Variants in SLC30A2 observed in about 807,000 individuals in gnomAD.
SLC30A2 encodes the protein solute carrier family 30 member 2.
SLC30A2 carries 19 observed loss-of-function variants against 39.6 expected under a neutral mutation model. The observed-to-expected ratio is 0.48, with a 90% confidence interval of 0.34 to 0.70. SLC30A2 has a LOEUF of 0.70. SLC30A2 is among the 30% of genes least tolerant of loss of function. The pLI is 0.01. For synonymous variants in SLC30A2, 195 were observed against 194.8 expected (o/e 1.00, Z -0.01); for missense variants, 387 against 479.4 (o/e 0.81, Z 1.80).
chr1:26,043,916 C>T (rs962655200), intron 3 of SLC30A2, among the ~76,000 whole-genome samples: 1 of 152,212 alleles, frequency 6.6e-6, no homozygotes, highest in Non-Finnish European at 1.5e-5. Flanking sequence ...CCAGGGTGAA[C>T]GGAAGAGAGG....
Position 26,045,004 on chromosome 1 carries a change from T to G in SLC30A2, c.264A>C (p.Glu88Asp). 1 of 1,614,200 alleles carries G rather than the reference T, an allele frequency of 6.2e-7. No individual in the cohort carries two copies. The highest frequency in any genetic ancestry group is 8.5e-7 in the Non-Finnish European group (1 of 1,179,994). Reference protein sequence around the residue: ...SAICLLFMIGEVVGGYLAHSL... With the variant: ...SAICLLFMIGDVVGGYLAHSL... Reference sequence around the variant, plus strand: ...TAGCCCAAAAGTGCTTACCAACGACTTCTCCGATCATGAACAACAGGCAGA... The same window carrying G: ...TAGCCCAAAAGTGCTTACCAACGACGTCTCCGATCATGAACAACAGGCAGA... Residue 88 changes from glutamate (E) to aspartate (D), a missense_variant, in exon 2 of 8, where the codon GAA (glutamate) becomes GAC (aspartate). Glu to Asp is a conservative substitution (Grantham distance 45). Coordinates refer to ENST00000374276, the MANE Select transcript of SLC30A2 (RefSeq NM_001004434.3).
chr1:26,038,938 A>G lies in SLC30A2; in HGVS notation c.*222T>C. ...TTCCAGAGCTGGCCCAGGAGCTGGA[A>G]GAGCAGGGTCACACTAGCTTTATAC... On this transcript the variant is annotated 3_prime_UTR_variant, in exon 8 of 8. Coordinates refer to ENST00000374276, the MANE Select transcript of SLC30A2 (RefSeq NM_001004434.3). The G allele has an allele frequency of 8.0e-7, 1 of 1,245,268 alleles. No homozygotes were observed. The highest frequency in any genetic ancestry group is 1.0e-6 in the Non-Finnish European group (1 of 972,610). The allele number at this position is 1,245,268 out of a possible 1,614,324, so 77.1% of individuals were successfully genotyped here. A position where few individuals can be genotyped will look rare whatever the true frequency, so the allele number is the denominator to read the frequency against.
Position 26,044,557 on chromosome 1 carries a change from C to G in SLC30A2, c.272-113G>C, listed in dbSNP as rs1457287658. The G allele has an allele frequency of 2.9e-6, 3 of 1,018,628 alleles. No individual in the cohort carries two copies. The African/African-American group carries it at 4.8e-5, about 16-fold the overall frequency. 63.1% of individuals were successfully genotyped at this position (1,018,628 alleles called of 1,614,324 possible). On this transcript the variant is annotated intron_variant, in intron 2 of 7. Transcript: ENST00000374276. ...AGGACATTCTGGGCTCAAGATCTCT[C>G]TACCCATGAGCTGTACCACCGTGAC...
rs1428545692 is a variant in SLC30A2, at chr1:26,039,241, G to A, written c.1038C>T (p.His346=). Residue 346 remains histidine, a synonymous_variant, in exon 8 of 8, where the codon CAC becomes CAT. Transcript: ENST00000374276. This position sits in a 1 kb window ranked among gnomAD's most constrained non-coding sequence, Gnocchi z 4.3. The part of the protein sequence containing the change: ...TASSRLQGKF[H]FHTVTIQIED... Reference sequence around the variant, plus strand: ...CGATCTGGATGGTCACGGTGTGGAAGTGGAACTTCCCTTGGAGGCGGCTGC... The same window carrying A: ...CGATCTGGATGGTCACGGTGTGGAAATGGAACTTCCCTTGGAGGCGGCTGC... 1.2e-6 allele frequency: 2 copies of A among 1,614,182 alleles called. No homozygotes were observed. The highest frequency in any genetic ancestry group is 1.7e-6 in the Non-Finnish European group (2 of 1,180,010).
chr1:26,043,415 A>G lies in SLC30A2; in HGVS notation c.555T>C (p.Ala185=), dbSNP rs755502535. 3.1e-6 allele frequency: 5 copies of G among 1,613,936 alleles called. No individual in the cohort carries two copies. In the African/African-American group the frequency reaches 5.3e-5, roughly 17 times the overall value. ...GGTMLITSGC[A]VAVNIIMGLT... ...CCACTCACATGATGTTCACAGCCAC[A>G]GCGCAGCCCGACGTGATCAGCATGG... The change falls in exon 4 of 8, where the codon GCT becomes GCC. Residue 185 remains alanine (A), a synonymous_variant. Transcript: ENST00000374276.
At chr1:26,044,600 T>G (rs1244643422) in intron 2 of SLC30A2, among the ~76,000 whole-genome samples, 156 bp from the exon 3 acceptor site, 1 of 152,154 alleles carries the variant, frequency 6.6e-6, no homozygotes, top group Non-Finnish European at 1.5e-5. Context: ...CTACTCTCTC[T>G]GAGCCTCAAC....
rs141752286 is a variant in SLC30A2 at position 26,045,095 on chromosome 1, C to A, written c.173G>T (p.Gly58Val). Reference protein sequence around the residue: ...QSNHHCHAQKGPDSHCDPKKG... With the variant: ...QSNHHCHAQKVPDSHCDPKKG... ...CTTGGGGTCACAGTGACTGTCAGGA[C>A]CCTTCTGAGCATGGCAGTGATGGTT... Residue 58 changes from glycine (G) to valine (V), a missense_variant, in exon 2 of 8, where the codon GGT (glycine) becomes GTT (valine). Coordinates refer to ENST00000374276, the MANE Select transcript of SLC30A2 (RefSeq NM_001004434.3). The A allele has an allele frequency of 6.2e-7, 1 of 1,614,210 alleles. No homozygotes were observed. The highest frequency in any genetic ancestry group is 1.1e-5 in the South Asian group (1 of 91,084).
chr1:26,044,169 C>T, intron 3 of SLC30A2, 129 bp downstream of exon 3: 3 of 949,878 alleles, frequency 3.2e-6, no homozygotes, highest in Non-Finnish European at 4.9e-6. Flanking sequence ...CCTCTTCCCC[C>T]ATCCAGATCA....
rs1038578173 is a variant in SLC30A2 at position 26,045,046 on chromosome 1, C to A, written c.222G>T (p.Leu74=). 17 of 1,614,252 alleles carry A rather than the reference C, an allele frequency of 1.1e-5. No individual in the cohort carries two copies. Among genetic ancestry groups the A allele is most frequent in the Non-Finnish European group, 1.3e-5 (15 of 1,180,054 alleles). The change falls in exon 2 of 8, where the codon CTG becomes CTT. Residue 74 remains leucine (L), a synonymous_variant. Coordinates refer to ENST00000374276, the MANE Select transcript of SLC30A2 (RefSeq NM_001004434.3). The part of the protein sequence containing the change: ...DPKKGKAQRQ[L]YVASAICLLF... ...ACAGGCAGATGGCAGAGGCTACATACAGCTGGCGCTGGGCCTTCCCCTTCT... is the reference window on the plus strand; with the variant it reads ...ACAGGCAGATGGCAGAGGCTACATAAAGCTGGCGCTGGGCCTTCCCCTTCT...
Position 26,045,977 on chromosome 1 carries a change from G to C in SLC30A2, c.-81C>G. The C allele has an allele frequency of 1.3e-6, 2 of 1,582,186 alleles. No homozygotes were observed. The highest frequency in any genetic ancestry group is 2.2e-5 in the South Asian group (2 of 88,960). On this transcript the variant is annotated 5_prime_UTR_variant, in exon 1 of 8. Coordinates refer to ENST00000374276, the MANE Select transcript of SLC30A2 (RefSeq NM_001004434.3). The stretch of plus-strand genomic sequence containing the variant: ...AAAGTTGCGCGCGGGACTCCGGGTG[G>C]CGCTCACCCACCTGCCCCGAGGGCC...
Position 26,045,942 on chromosome 1 carries a change from G to T in SLC30A2, c.-46C>A. The T allele has an allele frequency of 6.2e-7, 1 of 1,602,998 alleles. No homozygotes were observed. ...GGCAGCCGCGCAGCCGCCCCGCCGA[G>T]TGCGCCCTGAAAGTTGCGCGCGGGA... On this transcript the variant is annotated 5_prime_UTR_variant, in exon 1 of 8. Transcript: ENST00000374276.
At position 26,039,978 on chromosome 1, in the gene SLC30A2, G is replaced by A; in HGVS notation, c.839-67C>T. 1.3e-6 allele frequency: 2 copies of A among 1,584,604 alleles called. No homozygotes were observed. Among genetic ancestry groups the A allele is most frequent in the East Asian group, 2.2e-5 (1 of 44,506 alleles). On this transcript the variant is annotated intron_variant, in intron 6 of 7. Transcript: ENST00000374276. This position sits in a 1 kb window ranked among gnomAD's most constrained non-coding sequence, Gnocchi z 4.3. ...CTCCCACGCCTGCCCATTGGTGCAG[G>A]GCTGGCTCCTGATCCTCAGGTGTCA...
chr1:26,043,417 C>G lies in SLC30A2; in HGVS notation c.553G>C (p.Ala185Pro). ...GGTMLITSGC[A>P]VAVNIIMGLT... ...ACTCACATGATGTTCACAGCCACAGCGCAGCCCGACGTGATCAGCATGGTC... is the reference window on the plus strand; with the variant it reads ...ACTCACATGATGTTCACAGCCACAGGGCAGCCCGACGTGATCAGCATGGTC... Residue 185 changes from alanine (A) to proline (P), a missense_variant, in exon 4 of 8, where the codon GCT becomes CCT. Transcript: ENST00000374276. 6.2e-7 allele frequency: 1 copy of G among 1,613,978 alleles called. No homozygotes were observed. The highest frequency in any genetic ancestry group is 1.1e-5 in the South Asian group (1 of 91,072).
At position 26,039,657 on chromosome 1, in the gene SLC30A2, T is replaced by G; in HGVS notation, c.973+120A>C. 5 of 968,046 alleles carry G rather than the reference T, an allele frequency of 5.2e-6. No homozygotes were observed. Among genetic ancestry groups the G allele is most frequent in the Non-Finnish European group, 7.7e-6 (5 of 648,190 alleles). The allele number at this position is 968,046 out of a possible 1,614,324, so 60.0% of individuals were successfully genotyped here. Reference sequence around the variant, plus strand: ...AATAATGCGTATCAAGTACTCAGCATGAGGCTGGGCTTGATGCATGGGCAC... The same window carrying G: ...AATAATGCGTATCAAGTACTCAGCAGGAGGCTGGGCTTGATGCATGGGCAC... On this transcript the variant is annotated intron_variant, in intron 7 of 7. Coordinates refer to ENST00000374276, the MANE Select transcript of SLC30A2 (RefSeq NM_001004434.3). This position sits in a 1 kb window ranked among gnomAD's most constrained non-coding sequence, Gnocchi z 4.3.
At position 26,038,674 on chromosome 1, in the gene SLC30A2, T is replaced by G. The variant is rs2050365158; in HGVS notation, c.*486A>C. On this transcript the variant is annotated 3_prime_UTR_variant, in exon 8 of 8. Transcript: ENST00000374276. ...AGATAGGCCTCAGGTGCCTCCTGGCTCCCTGCCTCAGGGAGGCTCAAATGA... is the reference window on the plus strand; with the variant it reads ...AGATAGGCCTCAGGTGCCTCCTGGCGCCCTGCCTCAGGGAGGCTCAAATGA... The G allele has an allele frequency of 6.5e-6, 1 of 152,900 alleles. No individual in the cohort carries two copies. The highest frequency in any genetic ancestry group is 2.1e-4 in the South Asian group (1 of 4,856). The allele number at this position is 152,900 out of a possible 1,614,324, so 9.5% of individuals were successfully genotyped here.
At chr1:26,042,526 C>T (rs1163567220) in intron 5 of SLC30A2, 23 bp downstream of exon 5, 2 of 1,605,206 alleles carry the variant, frequency 1.2e-6, no homozygotes, top group East Asian at 2.2e-5. Context: ...GCCACCCCCA[C>T]CACCCTGTGT....
chr1:26,044,800 T>C (rs1198167838), intron 2 of SLC30A2, among the ~76,000 whole-genome samples, 197 bp downstream of exon 2: 1 of 152,258 alleles, frequency 6.6e-6, no homozygotes, highest in East Asian at 1.9e-4. Context: ...ATGCCTCAGT[T>C]TCATCATCTG....
In SLC30A2 at chr1:26,039,288, G is replaced by A; in HGVS notation, c.991C>T (p.Gln331Ter). The A allele has an allele frequency of 6.2e-7, 1 of 1,613,886 alleles. No homozygotes were observed. The highest frequency in any genetic ancestry group is 8.5e-7 in the Non-Finnish European group (1 of 1,179,828). ...CTGCTGGCTGTCTTCAGCACAGCCT[G>A]GGCGTCTGTATTCTGAGCTGGGGGC... ...HIAIAQNTDAQAVLKTASSRL... is the reference protein window; with the variant it reads ...HIAIAQNTDA The change falls in exon 8 of 8, where the codon CAG (glutamine) becomes TAG (stop). Residue 331 changes from glutamine (Q) to a stop codon, truncating the protein, a stop_gained. Coordinates refer to ENST00000374276, the MANE Select transcript of SLC30A2 (RefSeq NM_001004434.3). LOFTEE classifies it high-confidence loss of function. This position sits in a 1 kb window ranked among gnomAD's most constrained non-coding sequence, Gnocchi z 4.3.
Position 26,043,430 on chromosome 1 carries a change from G to C in SLC30A2, c.540C>G (p.Ile180Met), listed in dbSNP as rs1185769506. 6.2e-7 allele frequency: 1 copy of C among 1,614,156 alleles called. No homozygotes were observed. Among genetic ancestry groups the C allele is most frequent in the Admixed American group, 1.7e-5 (1 of 60,024 alleles). Residue 180 changes from isoleucine (I) to methionine (M), a missense_variant, in exon 4 of 8, where the codon ATC (isoleucine) becomes ATG (methionine). By Grantham distance (10) the Ile-to-Met change is conservative. Coordinates refer to ENST00000374276, the MANE Select transcript of SLC30A2 (RefSeq NM_001004434.3). ...DYEIDGGTML[I>M]TSGCAVAVNI... ...TCACAGCCACAGCGCAGCCCGACGTGATCAGCATGGTCCCCCCGTCAATTT... is the reference window on the plus strand; with the variant it reads ...TCACAGCCACAGCGCAGCCCGACGTCATCAGCATGGTCCCCCCGTCAATTT...
Sources: gnomAD v4.1 joint callset for allele counts (sites outside exome capture counted in the v4.1 genomes callset) on GRCh38, gnomAD v4.1.1 for gene constraint, Gnocchi (gnomAD v3.1) non-coding constraint, MANE v1.5 for transcripts, NCBI Gene and HGNC (gene_info 2026-07-23, HGNC 2026-07-21) for gene names.